Variants in GNA12 observed in about 807,000 individuals in gnomAD.
GNA12 encodes the protein guanine nucleotide-binding protein subunit alpha-12.
GNA12 carries 9 observed loss-of-function variants against 26.0 expected under a neutral mutation model. The observed-to-expected ratio is 0.35, with a 90% CI of 0.21 to 0.60. The LOEUF (loss-of-function observed/expected upper bound fraction) is 0.60. GNA12 is among the 20% of genes least tolerant of loss of function. GNA12 has a pLI of 0.78. For synonymous variants in GNA12, 264 were observed against 219.6 expected, an observed-to-expected ratio of 1.20 and a Z score of -1.79; for missense variants, 405 against 525.8, an observed-to-expected ratio of 0.77 and a Z score of 2.25.
chr7:2,788,562 G>C (rs932125134), intron 2 of GNA12, among the ~76,000 whole-genome samples: 1 of 152,200 alleles, frequency 6.6e-6, no homozygotes, highest in African/African-American at 2.4e-5. Context: ...AAAACAATAA[G>C]TAGTTCCACT....
chr7:2,827,380 T>C (rs1186520018), intron 1 of GNA12, among the ~76,000 whole-genome samples: 3 of 152,220 alleles, frequency 2.0e-5, no homozygotes, highest in Admixed American at 6.5e-5. Flanking sequence ...ATTAATTGTA[T>C]GGTATGTGAA....
At chr7:2,733,346 G>A (rs1252355238) in intron 3 of GNA12, 105 bp downstream of exon 3, 7 of 864,002 alleles carry the variant, frequency 8.1e-6, no homozygotes, top group South Asian at 2.9e-5. Flanking sequence ...GAACAAGCTC[G>A]GCCTGTCAGT....
intron 1 of GNA12, among the ~76,000 whole-genome samples, chr7:2,838,595 C>T (rs1778904339): frequency 1.3e-5 from 2 of 151,948 alleles, no homozygotes; most frequent in African/African-American, 4.8e-5. Context: ...AAGATAGTAA[C>T]AGTCATAATA....
intron 2 of GNA12, among the ~76,000 whole-genome samples, chr7:2,783,165 G>C (rs1792272333): frequency 6.6e-6 from 1 of 152,140 alleles, no homozygotes; most frequent in Non-Finnish European, 1.5e-5. Flanking sequence ...GGCTGTCTCT[G>C]TGATGCCCCT....
At chr7:2,832,409 C>A in intron 1 of GNA12, among the ~76,000 whole-genome samples, 1 of 152,200 alleles carries the variant, frequency 6.6e-6, no homozygotes, top group East Asian at 1.9e-4. Context: ...CTGGCCTTTC[C>A]CAGTTGAGAC....
Position 2,759,865 on chromosome 7 carries a change from G to A in GNA12, c.526-26364C>T, listed in dbSNP as rs192233560. Among the ~76,000 whole-genome samples the A allele has an allele frequency of 4.6e-3, 695 of 152,174 alleles. 10 individuals carry two copies. Among genetic ancestry groups the A allele is most frequent in the Middle Eastern group, 3.4e-3 (1 of 294 alleles). On this transcript the variant is annotated intron_variant, in intron 2 of 3. Transcript: ENST00000275364. ...CCGTCCAATGCGATTGTCCGCCCCC[G>A]TCTCAGAGCCCCACGGCCAGCTGAG...
chr7:2,774,836 T>C (rs1250292116), intron 2 of GNA12, among the ~76,000 whole-genome samples: 1 of 152,212 alleles, frequency 6.6e-6, no homozygotes, highest in Non-Finnish European at 1.5e-5. Context: ...TTTACGCAGC[T>C]ATCTGTGTTA....
At chr7:2,780,054 A>G (rs1441487901) in intron 2 of GNA12, among the ~76,000 whole-genome samples, 6 of 29,740 alleles carry the variant, frequency 2.0e-4, no homozygotes, top group African/African-American at 4.8e-4. Context: ...CTGTGTACAT[A>G]TATATATATA....
chr7:2,788,168 T>C (rs1215458267), intron 2 of GNA12, among the ~76,000 whole-genome samples: 3 of 148,798 alleles, frequency 2.0e-5, no homozygotes, highest in African/African-American at 7.4e-5. Context: ...AAAAAACAAA[T>C]GCCAGCAAAA....
intron 1 of GNA12, among the ~76,000 whole-genome samples, chr7:2,797,050 T>G (rs1792693789): frequency 6.6e-6 from 1 of 152,196 alleles, no homozygotes; most frequent in Non-Finnish European, 1.5e-5. Flanking sequence ...AAAAGCCTTC[T>G]CATCTCAGAG....
At position 2,828,677 on chromosome 7, in the gene GNA12, A is replaced by G. The variant is rs557618491; in HGVS notation, c.309+15176T>C. 7.9e-5 allele frequency among the ~76,000 whole-genome samples: 12 copies of G among 152,350 alleles called. No individual in the cohort carries two copies. The South Asian group carries it at 2.5e-3, about 32-fold the overall frequency. On this transcript the variant is annotated intron_variant, in intron 1 of 3. Coordinates refer to ENST00000275364, the MANE Select transcript of GNA12 (RefSeq NM_007353.3). ...GGGAAAACAAAACTATTCCTGCTCTAGTGACTTCAGTTTAGCAGGTGGTCA... is the reference window on the plus strand; with the variant it reads ...GGGAAAACAAAACTATTCCTGCTCTGGTGACTTCAGTTTAGCAGGTGGTCA...
At chr7:2,759,747 A>C (rs1015226253) in intron 2 of GNA12, among the ~76,000 whole-genome samples, 1 of 152,244 alleles carries the variant, frequency 6.6e-6, no homozygotes, top group Non-Finnish European at 1.5e-5. Flanking sequence ...TAAAAAGAGC[A>C]AAAGAGAAAA....
At chr7:2,789,132 C>CTATTT (rs1202789852) in intron 2 of GNA12, among the ~76,000 whole-genome samples, 2 of 72,822 alleles carry the variant, frequency 2.7e-5, no homozygotes, top group African/African-American at 5.0e-5. Context: ...CTTCAGGCAT[C>CTATTT]TTTTTTTTTT....
At chr7:2,742,501 C>T (rs1014327712) in intron 2 of GNA12, among the ~76,000 whole-genome samples, 1 of 152,216 alleles carries the variant, frequency 6.6e-6, no homozygotes, top group Non-Finnish European at 1.5e-5. Context: ...TCGCTGTCCA[C>T]ATGGACTCAC....
Position 2,841,175 on chromosome 7 carries a change from G to A in GNA12, c.309+2678C>T, listed in dbSNP as rs143976478. 1.3e-3 allele frequency among the ~76,000 whole-genome samples: 192 copies of A among 152,066 alleles called. No individual in the cohort carries two copies. In the East Asian group the frequency reaches 0.013, roughly 10 times the overall value. On this transcript the variant is annotated intron_variant, in intron 1 of 3. Coordinates refer to ENST00000275364, the MANE Select transcript of GNA12 (RefSeq NM_007353.3). The stretch of plus-strand genomic sequence containing the variant: ...TTTTTCTTTTTCTTTTTTTTGAGAC[G>A]GAGTCTCGCTGAGTTGCCCAGGCTA...
intron 2 of GNA12, among the ~76,000 whole-genome samples, chr7:2,792,711 C>T (rs1026691885): frequency 3.5e-4 from 54 of 152,314 alleles, no homozygotes; most frequent in African/African-American, 1.3e-3. Flanking sequence ...TCCTTTCTAC[C>T]GCAACCACAT....
intron 2 of GNA12, among the ~76,000 whole-genome samples, chr7:2,770,747 G>A (rs747506267): frequency 1.3e-5 from 2 of 152,188 alleles, no homozygotes; most frequent in African/African-American, 2.4e-5. Flanking sequence ...CAGAGCTAAT[G>A]GGATCCTGTG....
intron 2 of GNA12, among the ~76,000 whole-genome samples, chr7:2,773,095 T>TA (rs1450250816): frequency 6.6e-6 from 1 of 152,170 alleles, no homozygotes; most frequent in Admixed American, 6.5e-5. Flanking sequence ...GAAACTAGCG[T>TA]GGTCACCAGG....
rs1046891693 is a variant in GNA12 at position 2,751,471 on chromosome 7, G to A, written c.526-17970C>T. Among the ~76,000 whole-genome samples, 5 of 149,068 alleles carry A rather than the reference G, an allele frequency of 3.4e-5. 1 individual carries two copies. Among genetic ancestry groups the A allele is most frequent in the Admixed American group, 2.7e-4 (4 of 15,002 alleles). ...CACTGACCAAAGGTACCACCTCAAA[G>A]AGCTTAATGAAGAGCTCTTTAAACT... On this transcript the variant is annotated intron_variant, in intron 2 of 3. Transcript: ENST00000275364.
Sources: allele counts gnomAD v4.1 joint callset (sites outside exome capture counted in the v4.1 genomes callset), GRCh38; gene constraint gnomAD v4.1.1; transcripts MANE v1.5; gene names NCBI Gene and HGNC (gene_info 2026-07-23, HGNC 2026-07-21).